ASPHD1: variants seen among roughly 807,000 people sequenced by gnomAD.
ASPHD1 encodes the protein aspartate beta-hydroxylase domain-containing protein 1.
ASPHD1 carries 20 observed loss-of-function variants against 28.3 expected under a neutral mutation model. The ratio of observed to expected loss-of-function variants is 0.71; its 90% CI spans 0.50 to 1.03. ASPHD1 has a LOEUF of 1.03. Among genes scored for constraint, ASPHD1 ranks in the 50% least tolerant of loss-of-function variants. The pLI is 0.00. For missense variants in ASPHD1, 479 were observed against 524.1 expected (o/e 0.91, Z 0.84); for synonymous variants, 240 against 221.2 (o/e 1.08, Z -0.75).
Position 29,901,675 on chromosome 16 carries a change from C to T in ASPHD1, c.704C>T (p.Thr235Ile), listed in dbSNP as rs1245573210. ...GTGAGCTGGGACTTCTCAGGGACTACCCCTCCGCCTCGGGGCTGGTCCCCA... is the reference window on the plus strand; with the variant it reads ...GTGAGCTGGGACTTCTCAGGGACTATCCCTCCGCCTCGGGGCTGGTCCCCA... ...GAVSWDFSGT[T>I]PPPRGWSPPL... The change falls in exon 1 of 3, where the codon ACC becomes ATC. Residue 235 changes from threonine (T) to isoleucine (I), a missense_variant. By Grantham distance (89) the Thr-to-Ile change is moderately conservative. Coordinates refer to ENST00000308748, the MANE Select transcript of ASPHD1 (RefSeq NM_181718.4). This position sits in a 1 kb window ranked among gnomAD's most constrained non-coding sequence, Gnocchi z 5.1. 1 of 1,584,142 alleles carries T rather than the reference C, an allele frequency of 6.3e-7. No individual in the cohort carries two copies. Among genetic ancestry groups the T allele is most frequent in the Non-Finnish European group, 8.5e-7 (1 of 1,170,380 alleles).
At chr16:29,918,084 G>A (rs1055895363) in intron 3 of ASPHD1, among the ~76,000 whole-genome samples, 1 of 152,200 alleles carries the variant, frequency 6.6e-6, no homozygotes, top group Admixed American at 6.5e-5. Flanking sequence ...AATTTTTCAA[G>A]TTGACAATGG....
At chr16:29,906,964 T>A, downstream of ASPHD1, 1 of 1,614,134 alleles carries the variant, frequency 6.2e-7, no homozygotes, top group Non-Finnish European at 8.5e-7. Context: ...TGCTCTCGGT[T>A]CTCTTCATCC....
chr16:29,901,476 G>T lies in ASPHD1; in HGVS notation c.505G>T (p.Ala169Ser). 1 of 1,580,590 alleles carries T rather than the reference G, an allele frequency of 6.3e-7. No homozygotes were observed. Residue 169 changes from alanine to serine, a missense_variant, in exon 1 of 3, where the codon GCT (alanine) becomes TCT (serine). By Grantham distance (99) the Ala-to-Ser change is moderately conservative (BLOSUM62 1). Transcript: ENST00000308748. The surrounding 1 kb of genome is among the most constrained non-coding windows in gnomAD (Gnocchi z 5.1). The stretch of plus-strand genomic sequence containing the variant: ...TGGGATGGGTAGAGTGAGGCGGGCA[G>T]CTCAGGGTGGCCCAGGCCCTGGGAG... ...WAGMGRVRRA[A>S]QGGPGPGRGP...
At chr16:29,911,782 G>A (rs749649613) in intron 3 of ASPHD1, 2 of 1,609,854 alleles carry the variant, frequency 1.2e-6, no homozygotes, top group African/African-American at 2.7e-5. Flanking sequence ...GCATCCCAGG[G>A]TCCCGCCCAG....
chr16:29,919,472 C>T (rs774349771), intron 3 of ASPHD1: 14 of 152,172 alleles, frequency 9.2e-5, no homozygotes, highest in Non-Finnish European at 1.8e-4. Flanking sequence ...CTTATCATCT[C>T]TTCAACATTA....
intron 3 of ASPHD1, among the ~76,000 whole-genome samples, chr16:29,916,910 T>C (rs1423503402): frequency 1.3e-5 from 2 of 152,166 alleles, no homozygotes; most frequent in Non-Finnish European, 2.9e-5. Flanking sequence ...GAGTCTGTGC[T>C]TGCTGTCGGC....
chr16:29,910,557 C>G (rs528082214), downstream of ASPHD1, among the ~76,000 whole-genome samples: 1 of 152,074 alleles, frequency 6.6e-6, no homozygotes, highest in African/African-American at 2.4e-5. Flanking sequence ...TCAGGTCCCA[C>G]GATGTTGCCC....
chr16:29,900,765 C>T lies in ASPHD1; in HGVS notation c.-207C>T. On this transcript the variant is annotated 5_prime_UTR_variant, in exon 1 of 3. Transcript: ENST00000308748. Reference sequence around the variant, plus strand: ...GGGTAGGAACCGCTGCCCAGGGGAGCTAGGAGGAAGCGGGGAGAGAGAGCG... The same window carrying T: ...GGGTAGGAACCGCTGCCCAGGGGAGTTAGGAGGAAGCGGGGAGAGAGAGCG... The T allele has an allele frequency of 1.7e-6, 1 of 602,554 alleles. No homozygotes were observed. Among genetic ancestry groups the T allele is most frequent in the East Asian group, 2.8e-5 (1 of 35,432 alleles). 37.3% of individuals were successfully genotyped at this position (602,554 alleles called of 1,614,324 possible).
At chr16:29,910,227 G>A (rs897014866), downstream of ASPHD1, among the ~76,000 whole-genome samples, 3 of 151,332 alleles carry the variant, frequency 2.0e-5, no homozygotes, top group East Asian at 1.9e-4. Context: ...GTGAAACCCC[G>A]TTTCTACTAA....
intron 3 of ASPHD1, chr16:29,919,441 T>C (rs2068869046): frequency 6.6e-6 from 1 of 152,234 alleles, no homozygotes; most frequent in Non-Finnish European, 1.5e-5. Flanking sequence ...ATTACATTCG[T>C]GCCATAGAAT....
chr16:29,902,841 G>T (rs1235031153), intron 1 of ASPHD1, among the ~76,000 whole-genome samples: 5 of 150,370 alleles, frequency 3.3e-5, no homozygotes, highest in Non-Finnish European at 7.4e-5. Context: ...AAAAGGGTTG[G>T]TGGGGTGTCA....
intron 3 of ASPHD1, chr16:29,913,641 T>C (rs1266014497): frequency 6.6e-6 from 1 of 152,214 alleles, no homozygotes; most frequent in Non-Finnish European, 1.5e-5. Flanking sequence ...ATCAAAGGCA[T>C]GACCGCCCCT....
chr16:29,911,125 C>A (rs749748215), intron 3 of ASPHD1: 18 of 1,614,050 alleles, frequency 1.1e-5, no homozygotes, highest in Non-Finnish European at 1.5e-5. Context: ...AGCGCAGGGC[C>A]AGCTTGTCGA....
At position 29,918,295 on chromosome 16, in the gene ASPHD1, A is replaced by G. The variant is rs148140971; in HGVS notation, c.*63-1236A>G. 9.2e-4 allele frequency among the ~76,000 whole-genome samples: 140 copies of G among 152,376 alleles called. 1 individual carries two copies. Among genetic ancestry groups the G allele is most frequent in the African/African-American group, 3.2e-3 (133 of 41,602 alleles). On this transcript the variant is annotated intron_variant and NMD_transcript_variant, in intron 3 of 3. Coordinates refer to the ASPHD1 transcript ENST00000414952. ...CAACAAGGAAATGTAACAATGATAG[A>G]GAAATCAAACCACCATCCCCTAGAT... is the stretch of plus-strand genomic sequence containing the variant.
downstream of ASPHD1, among the ~76,000 whole-genome samples, chr16:29,910,331 G>A (rs979050707): frequency 2.6e-5 from 4 of 152,062 alleles, no homozygotes; most frequent in Non-Finnish European, 1.5e-5. Flanking sequence ...CTGGGAGGTA[G>A]AGGTTGCGGT....
intron 3 of ASPHD1, among the ~76,000 whole-genome samples, chr16:29,918,506 T>C (rs2150841838): frequency 6.6e-6 from 1 of 152,338 alleles, no homozygotes; most frequent in Admixed American, 6.5e-5. Context: ...AGTCTTGCTC[T>C]GTTGACCAGG....
At chr16:29,903,557 C>A (rs2068573441) in intron 1 of ASPHD1, among the ~76,000 whole-genome samples, 1 of 152,128 alleles carries the variant, frequency 6.6e-6, no homozygotes, top group African/African-American at 2.4e-5. Context: ...CTTGTTTTGC[C>A]CCCAATCATC....
intron 3 of ASPHD1, among the ~76,000 whole-genome samples, chr16:29,912,969 T>G (rs2068743268): frequency 2.0e-5 from 3 of 152,228 alleles, no homozygotes. Flanking sequence ...TTCTGTCTTC[T>G]AGAATCTTCA....
intron 1 of ASPHD1, among the ~76,000 whole-genome samples, chr16:29,903,368 A>T (rs2068572058): frequency 6.6e-6 from 1 of 151,910 alleles, no homozygotes. Flanking sequence ...AAAACAAGAA[A>T]AAAAAATTGT....
Sources: gnomAD v4.1 joint callset for allele counts (sites outside exome capture counted in the v4.1 genomes callset) on GRCh38, gnomAD v4.1.1 for gene constraint, Gnocchi (gnomAD v3.1) non-coding constraint, MANE v1.5 for transcripts, NCBI Gene and HGNC (gene_info 2026-07-23, HGNC 2026-07-21) for gene names.